CMIP: variants seen among roughly 807,000 people sequenced by gnomAD.
CMIP encodes the protein C-Maf-inducing protein.
CMIP carries 13 observed loss-of-function variants against 97.3 expected under a neutral mutation model. The ratio of observed to expected loss-of-function variants is 0.13; its 90% CI spans 0.09 to 0.21. The LOEUF (loss-of-function observed/expected upper bound fraction) is 0.21, where lower values mean the gene tolerates loss of function less well. Ranked by LOEUF, CMIP falls within the 10% of genes least tolerant of loss-of-function variation. CMIP has a pLI of 1.00. For missense variants in CMIP, 847 were observed against 1,024.9 expected (o/e 0.83, Z 2.37); for synonymous variants, 538 against 436.3 (o/e 1.23, Z -2.91).
Position 81,696,599 on chromosome 16 carries a change from G to A in CMIP, c.1570G>A (p.Gly524Ser). The A allele has an allele frequency of 6.2e-7, 1 of 1,606,904 alleles. No homozygotes were observed. The highest frequency in any genetic ancestry group is 8.5e-7 in the Non-Finnish European group (1 of 1,179,828). The change falls in exon 14 of 21, where the codon GGC becomes AGC. Residue 524 changes from glycine (G) to serine (S), a missense_variant. Coordinates refer to ENST00000537098, the MANE Select transcript of CMIP (RefSeq NM_198390.3). ...GCTGAGCGTGCGGGCCGGCAAAGAT[G>A]GCTGGTTCCAGCTCTACAGCCCCGG... ...CLLSVRAGKD[G>S]WFQLYSPGGV...
At chr16:81,570,825 T>A (rs2091074754) in intron 1 of CMIP, among the ~76,000 whole-genome samples, 1 of 152,132 alleles carries the variant, frequency 6.6e-6, no homozygotes, top group Non-Finnish European at 1.5e-5. Context: ...CCACCAGTGA[T>A]CAGGACCTCT....
chr16:81,662,391 G>A (rs1046986991), intron 6 of CMIP, among the ~76,000 whole-genome samples: 1 of 152,216 alleles, frequency 6.6e-6, no homozygotes. Flanking sequence ...AGTTTGGAAA[G>A]GGATGAGGTA....
chr16:81,495,878 T>G (rs1204535374), intron 1 of CMIP, among the ~76,000 whole-genome samples: 1 of 152,190 alleles, frequency 6.6e-6, no homozygotes, highest in African/African-American at 2.4e-5. Context: ...CAGGAAGCTG[T>G]CAGTCCTCAG....
intron 1 of CMIP, among the ~76,000 whole-genome samples, chr16:81,566,662 G>A (rs2090989062): frequency 6.6e-6 from 1 of 152,214 alleles, no homozygotes; most frequent in African/African-American, 2.4e-5. Context: ...CTGTTCCCAA[G>A]AGAACTGAGT....
intron 6 of CMIP, among the ~76,000 whole-genome samples, chr16:81,662,123 G>C (rs961420223): frequency 6.6e-6 from 1 of 151,502 alleles, no homozygotes; most frequent in Non-Finnish European, 1.5e-5. Flanking sequence ...AAATAACCCA[G>C]TATCCTGAGA....
rs1905720823 is a variant in CMIP at position 81,444,848 on chromosome 16, C to G, written c.-394C>G. Among the ~76,000 whole-genome samples the G allele has an allele frequency of 6.9e-6, 1 of 144,448 alleles. No individual in the cohort carries two copies. Among genetic ancestry groups the G allele is most frequent in the Non-Finnish European group, 1.5e-5 (1 of 64,940 alleles). 94.8% of individuals were successfully genotyped at this position (144,448 alleles called of 152,430 possible). A position where few individuals can be genotyped will look rare whatever the true frequency, so the allele number is the denominator to read the frequency against. On this transcript the variant is annotated 5_prime_UTR_variant, in exon 1 of 21. Coordinates refer to ENST00000537098, the MANE Select transcript of CMIP (RefSeq NM_198390.3). ...GCCGCGCGGACACACGCTCTGTACA[C>G]ACGCGCGCGGCGGCGCGGGGCCCCG...
At chr16:81,529,170 G>A (rs1425067263) in intron 1 of CMIP, among the ~76,000 whole-genome samples, 1 of 152,232 alleles carries the variant, frequency 6.6e-6, no homozygotes, top group African/African-American at 2.4e-5. Context: ...GAAGAAGAGA[G>A]AGGTCTCTAG....
intron 13 of CMIP, chr16:81,696,077 G>A (rs1906684770): frequency 5.4e-6 from 1 of 185,032 alleles, no homozygotes; most frequent in Admixed American, 5.4e-5. Flanking sequence ...GAGGTTTCTA[G>A]AGAAAGAGGG....
chr16:81,664,227 C>T (rs1371230419), intron 6 of CMIP, 42 bp from the exon 7 acceptor site: 3 of 1,549,602 alleles, frequency 1.9e-6, no homozygotes, highest in South Asian at 2.4e-5. Flanking sequence ...GTGTTCAGAA[C>T]ATTCTTAGGG....
chr16:81,619,411 A>G, intron 2 of CMIP: 1 of 152,258 alleles, frequency 6.6e-6, no homozygotes, highest in Non-Finnish European at 1.5e-5. Context: ...GGAGGTGGTC[A>G]CCTGTAGCGT....
rs1283269688 is a variant in CMIP, at chr16:81,678,517, C to T, written c.1277C>T (p.Pro426Leu). The part of the protein sequence containing the change: ...LTASAGNDSE[P>L]NLIDCLMVSP... ...GCCAGCGCAGGCAACGACAGCGAGC[C>T]CAACCTCATCGACTGCCTCATGGTC... The change falls in exon 10 of 21, where the codon CCC (proline) becomes CTC (leucine). Residue 426 changes from proline (P) to leucine (L), a missense_variant. Physicochemically the swap from Pro to Leu is moderately conservative, Grantham distance 98. Coordinates refer to ENST00000537098, the MANE Select transcript of CMIP (RefSeq NM_198390.3). 6.2e-7 allele frequency: 1 copy of T among 1,604,282 alleles called. No homozygotes were observed. Among genetic ancestry groups the T allele is most frequent in the Non-Finnish European group, 8.5e-7 (1 of 1,176,328 alleles).
intron 3 of CMIP, among the ~76,000 whole-genome samples, chr16:81,625,186 G>C (rs934328819): frequency 4.6e-5 from 7 of 152,230 alleles, no homozygotes; most frequent in African/African-American, 1.7e-4. Context: ...ATGTTGGTCT[G>C]GGAGATCTGA....
intron 3 of CMIP, among the ~76,000 whole-genome samples, chr16:81,626,214 T>C (rs956176174): frequency 4.6e-5 from 7 of 151,802 alleles, no homozygotes; most frequent in Admixed American, 3.3e-4. Context: ...TGAGTGTGTG[T>C]GCGCGTGAGA....
intron 14 of CMIP, among the ~76,000 whole-genome samples, chr16:81,699,365 C>G (rs1477615754): frequency 6.6e-6 from 1 of 152,114 alleles, no homozygotes; most frequent in African/African-American, 2.4e-5. Context: ...CAAAAGATAC[C>G]CTTGCTGAGC....
chr16:81,692,581 C>T (rs556583979), intron 11 of CMIP, among the ~76,000 whole-genome samples: 7 of 152,338 alleles, frequency 4.6e-5, no homozygotes, highest in Middle Eastern at 3.4e-3. Context: ...TGTAAGGGCA[C>T]ATTACACGCA....
At chr16:81,667,812 G>GTT (rs2092625340) in intron 7 of CMIP, among the ~76,000 whole-genome samples, 1 of 148,802 alleles carries the variant, frequency 6.7e-6, no homozygotes, top group East Asian at 2.0e-4. Flanking sequence ...GTGTGTGTGT[G>GTT]TGTGTGTGTG....
At chr16:81,601,419 G>C (rs11860857) in intron 1 of CMIP, among the ~76,000 whole-genome samples, 3,934 of 152,222 alleles carry the variant, frequency 0.026, 67 homozygotes, top group Non-Finnish European at 0.036. Context: ...GCTCTTTCTG[G>C]GGGGGTCAGC....
At chr16:81,678,658 G>C in intron 10 of CMIP, 30 bp downstream of exon 10, 1 of 1,083,308 alleles carries the variant, frequency 9.2e-7, no homozygotes. Flanking sequence ...GCCCGCCCCC[G>C]GGGCCGGTGG....
intron 1 of CMIP, among the ~76,000 whole-genome samples, chr16:81,521,949 A>G (rs975410147): frequency 6.6e-5 from 10 of 152,174 alleles, no homozygotes; most frequent in African/African-American, 2.4e-4. Context: ...CAGGGTACAG[A>G]ATATTGTTTC....
Sources: gnomAD v4.1 joint callset for allele counts (sites outside exome capture counted in the v4.1 genomes callset) on GRCh38, gnomAD v4.1.1 for gene constraint, MANE v1.5 for transcripts, NCBI Gene and HGNC (gene_info 2026-07-23, HGNC 2026-07-21) for gene names.